SUPT3H: variants seen among roughly 807,000 people sequenced by gnomAD.
SUPT3H encodes the protein transcription initiation protein SPT3 homolog.
SUPT3H carries 44 observed loss-of-function variants against 44.3 expected under a neutral mutation model. The observed-to-expected ratio is 0.99, with a 90% CI of 0.78 to 1.28. The LOEUF is 1.28. SUPT3H is among the 50% of genes most tolerant of loss of function. The pLI is 0.00. For synonymous variants in SUPT3H, 124 were observed against 125.6 expected (o/e 0.99, Z 0.09); for missense variants, 380 against 387.1 (o/e 0.98, Z 0.15).
rs567698064 is a variant in SUPT3H at position 45,074,803 on chromosome 6, T to A, written c.186+31119A>T. Among the ~76,000 whole-genome samples, 19 of 152,236 alleles carry A rather than the reference T, an allele frequency of 1.2e-4. No individual in the cohort carries two copies. In the South Asian group the frequency reaches 3.7e-3, roughly 30 times the overall value. On this transcript the variant is annotated intron_variant, in intron 3 of 10. Coordinates refer to ENST00000371459, the MANE Select transcript of SUPT3H (RefSeq NM_003599.4). ...AAGCACTTACAATCTGCACTTTTTC[T>A]GTTAATCTTATGTATACAAATATGT...
At chr6:45,163,011 C>A (rs1404545199) in intron 2 of SUPT3H, among the ~76,000 whole-genome samples, 1 of 152,108 alleles carries the variant, frequency 6.6e-6, no homozygotes, top group Admixed American at 6.6e-5. Flanking sequence ...ACAAGAACAA[C>A]TGATGTTCAA....
intron 2 of SUPT3H, among the ~76,000 whole-genome samples, chr6:45,287,939 A>C (rs937777224): frequency 6.6e-6 from 1 of 152,186 alleles, no homozygotes; most frequent in Non-Finnish European, 1.5e-5. Flanking sequence ...TCTGCTGCAC[A>C]TTCCTTTCCT....
intron 2 of SUPT3H, among the ~76,000 whole-genome samples, chr6:45,362,214 T>C (rs886672458): frequency 3.9e-5 from 6 of 152,216 alleles, no homozygotes; most frequent in Admixed American, 3.3e-4. Flanking sequence ...ACTATTTCAT[T>C]TGTGCTTGAC....
chr6:45,059,310 C>A lies in SUPT3H; in HGVS notation c.187-38678G>T, dbSNP rs193281284. Among the ~76,000 whole-genome samples, 226 of 152,226 alleles carry A rather than the reference C, an allele frequency of 1.5e-3. 4 individuals are homozygous for A. Among genetic ancestry groups the A allele is most frequent in the Admixed American group, 0.015 (224 of 15,282 alleles). On this transcript the variant is annotated intron_variant, in intron 3 of 10. Coordinates refer to ENST00000371459, the MANE Select transcript of SUPT3H (RefSeq NM_003599.4). The stretch of plus-strand genomic sequence containing the variant: ...ATGCAAATCAATAAATGTAATTCAT[C>A]ACATAAACAGAACTAAAGACAAAAA...
At chr6:44,818,032 C>CT (rs1767023326) in intron 11 of SUPT3H, among the ~76,000 whole-genome samples, 1 of 152,096 alleles carries the variant, frequency 6.6e-6, no homozygotes, top group Non-Finnish European at 1.5e-5. Flanking sequence ...CTGAGAAACT[C>CT]TTAAGACCTG....
At chr6:44,998,287 C>A (rs980166966) in intron 6 of SUPT3H, among the ~76,000 whole-genome samples, 2 of 151,538 alleles carry the variant, frequency 1.3e-5, no homozygotes, top group Non-Finnish European at 3.0e-5. Context: ...AAAAATTTGT[C>A]ATTTCTTTGA....
intron 2 of SUPT3H, among the ~76,000 whole-genome samples, chr6:45,139,354 C>A (rs968656289): frequency 2.0e-5 from 3 of 152,124 alleles, no homozygotes; most frequent in African/African-American, 7.2e-5. Context: ...AATATATTTT[C>A]TTGACAGAGG....
chr6:44,925,449 A>G (rs1769373827), intron 10 of SUPT3H, among the ~76,000 whole-genome samples: 1 of 152,224 alleles, frequency 6.6e-6, no homozygotes, highest in Non-Finnish European at 1.5e-5. Context: ...ATGCAAGTTC[A>G]GAGGGTTAAC....
intron 2 of SUPT3H, among the ~76,000 whole-genome samples, chr6:45,301,530 T>C (rs1782142392): frequency 6.6e-6 from 1 of 152,128 alleles, no homozygotes; most frequent in Admixed American, 6.6e-5. Context: ...GAAATGACCT[T>C]TGCCATCAGT....
intron 10 of SUPT3H, among the ~76,000 whole-genome samples, chr6:44,855,609 T>C (rs901761575): frequency 6.6e-6 from 1 of 152,120 alleles, no homozygotes; most frequent in East Asian, 1.9e-4. Flanking sequence ...CAGCAAAGAC[T>C]ACACAAAGAT....
In SUPT3H at chr6:45,113,153, T is replaced by G. The variant is rs201537493; in HGVS notation, c.102-7147A>C. ...ATTTTTTGATTACACTTTTATAGACTAGGTATTACTATAATACCCAAGAAT... is the reference window on the plus strand; with the variant it reads ...ATTTTTTGATTACACTTTTATAGACGAGGTATTACTATAATACCCAAGAAT... On this transcript the variant is annotated intron_variant, in intron 2 of 10. Coordinates refer to ENST00000371459, the MANE Select transcript of SUPT3H (RefSeq NM_003599.4). 6.6e-5 allele frequency among the ~76,000 whole-genome samples: 10 copies of G among 152,088 alleles called. No homozygotes were observed. The East Asian group carries it at 1.4e-3, about 21-fold the overall frequency.
At chr6:45,280,947 A>C (rs1777932337) in intron 2 of SUPT3H, among the ~76,000 whole-genome samples, 1 of 152,242 alleles carries the variant, frequency 6.6e-6, no homozygotes, top group Non-Finnish European at 1.5e-5. Context: ...CATACAATTA[A>C]AAATAGCTAA....
At chr6:45,261,867 AG>A (rs1349466498) in intron 2 of SUPT3H, among the ~76,000 whole-genome samples, 1 of 152,158 alleles carries the variant, frequency 6.6e-6, no homozygotes, top group Non-Finnish European at 1.5e-5. Flanking sequence ...ACTGGTAAAC[AG>A]GGTCAGTAAA....
intron 2 of SUPT3H, among the ~76,000 whole-genome samples, chr6:45,169,514 A>G (rs912206575): frequency 2.6e-5 from 4 of 152,222 alleles, no homozygotes; most frequent in African/African-American, 9.6e-5. Flanking sequence ...GTTTATTGTA[A>G]GAACTATCCA....
chr6:45,156,233 G>C (rs981119024), intron 2 of SUPT3H, among the ~76,000 whole-genome samples: 2 of 152,028 alleles, frequency 1.3e-5, no homozygotes, highest in African/African-American at 4.8e-5. Context: ...GAGACTATCA[G>C]AAACAAAGAA....
chr6:44,892,911 A>G (rs1561981852), intron 10 of SUPT3H, among the ~76,000 whole-genome samples: 1 of 152,194 alleles, frequency 6.6e-6, no homozygotes, highest in Non-Finnish European at 1.5e-5. Context: ...TCAGAAATTC[A>G]GCTGAATTTT....
intron 2 of SUPT3H, among the ~76,000 whole-genome samples, chr6:45,344,819 T>C (rs1408227694): frequency 6.6e-6 from 1 of 152,132 alleles, no homozygotes; most frequent in Non-Finnish European, 1.5e-5. Flanking sequence ...AAGTTAAAAA[T>C]GCAGTAAGCC....
At chr6:45,221,945 A>T (rs1766130097) in intron 2 of SUPT3H, among the ~76,000 whole-genome samples, 1 of 152,142 alleles carries the variant, frequency 6.6e-6, no homozygotes, top group Non-Finnish European at 1.5e-5. Context: ...GATCAATAGA[A>T]CAGAATACAG....
chr6:44,834,657 G>C (rs1769482269), intron 10 of SUPT3H, among the ~76,000 whole-genome samples: 1 of 152,166 alleles, frequency 6.6e-6, no homozygotes, highest in African/African-American at 2.4e-5. Flanking sequence ...TGCCCAGAGA[G>C]AGTGACCCAT....
Sources: gnomAD v4.1 joint callset for allele counts (sites outside exome capture counted in the v4.1 genomes callset) on GRCh38, gnomAD v4.1.1 for gene constraint, MANE v1.5 for transcripts, NCBI Gene and HGNC (gene_info 2026-07-23, HGNC 2026-07-21) for gene names.